The following HTR4 variants were observed in gnomAD, a reference collection of about 807,000 sequenced individuals.
The protein encoded by HTR4 is 5-hydroxytryptamine (serotonin) receptor 4, G protein-coupled.
Under a neutral mutation model 36.8 loss-of-function variants are expected in HTR4, and 16 were observed. The observed-to-expected ratio is 0.43, with a 90% CI of 0.29 to 0.66. HTR4 has a LOEUF of 0.66. Ranked by LOEUF, HTR4 falls within the 30% of genes least tolerant of loss-of-function variation. The probability of loss-of-function intolerance (pLI) is 0.13; values close to 1 mark genes in which losing one functional copy is unlikely to be tolerated. For synonymous variants in HTR4, 189 were observed against 185.1 expected (o/e 1.02, Z -0.17); for missense variants, 438 against 490.9 (o/e 0.89, Z 1.02).
intron 2 of HTR4, among the ~76,000 whole-genome samples, chr5:148,601,526 T>TGTG (rs1349737755): frequency 6.6e-6 from 1 of 152,104 alleles, no homozygotes; most frequent in Non-Finnish European, 1.5e-5. Flanking sequence ...GAGGGCCAGG[T>TGTG]GTGGTGGCTC....
chr5:148,472,897 A>C (rs570869199), downstream of HTR4, among the ~76,000 whole-genome samples: 45 of 152,278 alleles, frequency 3.0e-4, 1 homozygote, highest in Admixed American at 2.9e-3. Flanking sequence ...TGAATATAGA[A>C]AATTTTAGGA....
chr5:148,524,222 C>A (rs138248841), intron 4 of HTR4, among the ~76,000 whole-genome samples: 1 of 152,186 alleles, frequency 6.6e-6, no homozygotes, highest in Non-Finnish European at 1.5e-5. Context: ...AACACGTACA[C>A]TTCTTGGCAT....
intron 5 of HTR4, among the ~76,000 whole-genome samples, chr5:148,461,088 C>G (rs368618500): frequency 6.6e-6 from 1 of 151,734 alleles, no homozygotes; most frequent in Non-Finnish European, 1.5e-5. Flanking sequence ...TTTCCCAACT[C>G]TAGGGCAACC....
Position 148,455,714 on chromosome 5 carries a change from A to G in HTR4, c.1077-4442T>C, listed in dbSNP as rs546757596. Among the ~76,000 whole-genome samples the G allele has an allele frequency of 1.2e-4, 18 of 152,290 alleles. 1 individual carries two copies. The East Asian group carries it at 2.5e-3, about 21-fold the overall frequency. On this transcript the variant is annotated intron_variant, in intron 5 of 5. Transcript: ENST00000521530. ...CTGCATATAAGTTTTGATTCCCCCA[A>G]AACTTAAATACTGGTAGTTTACTGT...
intron 4 of HTR4, among the ~76,000 whole-genome samples, chr5:148,525,945 T>G (rs147794065): frequency 3.9e-5 from 6 of 152,264 alleles, no homozygotes; most frequent in African/African-American, 1.4e-4. Flanking sequence ...GAAACTGATA[T>G]GCACAGTACG....
At chr5:148,552,124 G>GT (rs2113852304) in intron 2 of HTR4, among the ~76,000 whole-genome samples, 1 of 152,316 alleles carries the variant, frequency 6.6e-6, no homozygotes, top group East Asian at 1.9e-4. Flanking sequence ...CAGAACTTCT[G>GT]TTAAGCTGGC....
At chr5:148,486,141 C>T (rs866425865) in intron 6 of HTR4, among the ~76,000 whole-genome samples, 18 of 152,272 alleles carry the variant, frequency 1.2e-4, no homozygotes, top group African/African-American at 2.9e-4. Context: ...CTCAGCAGGA[C>T]GAATGGGAAT....
chr5:148,644,718 C>T (rs1331003347), intron 1 of HTR4: 2 of 152,030 alleles, frequency 1.3e-5, no homozygotes, highest in African/African-American at 2.4e-5. Context: ...TGGATACTCC[C>T]GCACCCACAA....
chr5:148,474,340 G>C (rs1482736589), downstream of HTR4, among the ~76,000 whole-genome samples: 6 of 152,010 alleles, frequency 3.9e-5, no homozygotes, highest in African/African-American at 1.4e-4. Flanking sequence ...GTGGTGTGGG[G>C]GGGCTGATCT....
At chr5:148,452,599 C>T (rs927174840) in intron 5 of HTR4, among the ~76,000 whole-genome samples, 2 of 152,232 alleles carry the variant, frequency 1.3e-5, no homozygotes, top group Middle Eastern at 6.8e-3. Context: ...GATTGAGAAA[C>T]CCTAATCTAG....
intron 6 of HTR4, among the ~76,000 whole-genome samples, chr5:148,501,873 C>T (rs1273271140): frequency 6.6e-6 from 1 of 152,008 alleles, no homozygotes; most frequent in African/African-American, 2.4e-5. Flanking sequence ...TCCTGGCTAA[C>T]ATGGTGAAAC....
chr5:148,554,317 C>A (rs186145479), intron 2 of HTR4, among the ~76,000 whole-genome samples: 1 of 152,088 alleles, frequency 6.6e-6, no homozygotes, highest in Non-Finnish European at 1.5e-5. Context: ...TCAGGTGATC[C>A]GCCCGCCTCG....
rs868118232 is a variant in HTR4, at chr5:148,510,296, G to A, written c.508-272C>T. On this transcript the variant is annotated intron_variant, in intron 5 of 6. Coordinates refer to ENST00000377888, the MANE Select transcript of HTR4 (RefSeq NM_000870.7). Reference sequence around the variant, plus strand: ...TACAAAGAACCTTGATGACAGAAAAGGAACATGATCATATCCCAGGGCCCA... The same window carrying A: ...TACAAAGAACCTTGATGACAGAAAAAGAACATGATCATATCCCAGGGCCCA... 1.3e-4 allele frequency among the ~76,000 whole-genome samples: 20 copies of A among 152,206 alleles called. No homozygotes were observed. In the South Asian group the frequency reaches 3.3e-3, roughly 25 times the overall value.
intron 2 of HTR4, among the ~76,000 whole-genome samples, chr5:148,586,484 C>T (rs947369686): frequency 1.3e-5 from 2 of 151,926 alleles, no homozygotes; most frequent in African/African-American, 4.8e-5. Flanking sequence ...TCTTACATGG[C>T]GGCAGGAGAC....
chr5:148,630,876 C>G (rs1047778182), intron 2 of HTR4, among the ~76,000 whole-genome samples: 3 of 152,102 alleles, frequency 2.0e-5, no homozygotes, highest in Admixed American at 6.5e-5. Flanking sequence ...CAAAGTAATA[C>G]AGCCAGTAAA....
chr5:148,566,793 C>T (rs1353481319), intron 2 of HTR4, among the ~76,000 whole-genome samples: 2 of 151,752 alleles, frequency 1.3e-5, no homozygotes, highest in East Asian at 3.9e-4. Flanking sequence ...GTATGACATA[C>T]CTGTATTTAT....
At chr5:148,586,444 G>C (rs953123751) in intron 2 of HTR4, among the ~76,000 whole-genome samples, 9 of 151,886 alleles carry the variant, frequency 5.9e-5, no homozygotes, top group African/African-American at 2.2e-4. Context: ...TAAAACAGGA[G>C]TATATTAGTC....
chr5:148,512,067 C>T (rs149985882), intron 5 of HTR4, among the ~76,000 whole-genome samples: 144 of 152,286 alleles, frequency 9.5e-4, no homozygotes, highest in African/African-American at 3.2e-3. Context: ...CTGATTAGCA[C>T]TCTGGTTCCT....
chr5:148,515,300 T>G (rs1302470537), intron 5 of HTR4, among the ~76,000 whole-genome samples: 5 of 152,160 alleles, frequency 3.3e-5, no homozygotes, highest in Non-Finnish European at 5.9e-5. Context: ...CGCCTGCCTT[T>G]TATGCTATTG....
Sources: gnomAD v4.1 joint callset for allele counts (sites outside exome capture counted in the v4.1 genomes callset) on GRCh38, gnomAD v4.1.1 for gene constraint, MANE v1.5 for transcripts, NCBI Gene and HGNC (gene_info 2026-07-23, HGNC 2026-07-21) for gene names.